PSMF1: variants seen among roughly 807,000 people sequenced by gnomAD.
PSMF1 encodes proteasome inhibitor PI31 subunit.
A neutral mutation model predicts 29.3 loss-of-function variants in PSMF1; 30 were observed. The ratio of observed to expected loss-of-function variants is 1.02; its 90% CI spans 0.77 to 1.39. The LOEUF is 1.39. Among genes scored for constraint, PSMF1 ranks in the 40% most tolerant of loss-of-function variants. PSMF1 has a pLI of 0.00. For missense variants in PSMF1, 344 were observed against 357.5 expected, an observed-to-expected ratio of 0.96 and a Z score of 0.31; for synonymous variants, 134 against 139.7, an observed-to-expected ratio of 0.96 and a Z score of 0.29.
rs544134103 is a variant in PSMF1, at chr20:1,129,231, C to T, written c.365+1723C>T. 3.3e-5 allele frequency among the ~76,000 whole-genome samples: 5 copies of T among 152,222 alleles called. No homozygotes were observed. In the South Asian group the frequency reaches 1.0e-3, roughly 32 times the overall value. On this transcript the variant is annotated intron_variant, in intron 3 of 6. Coordinates refer to ENST00000335877, the MANE Select transcript of PSMF1 (RefSeq NM_006814.5). ...GTTTTGCTGTTGGCCAGGCTGGTGTCGAACTCCTGACCTCAAGTGATGGGA... is the reference window on the plus strand; with the variant it reads ...GTTTTGCTGTTGGCCAGGCTGGTGTTGAACTCCTGACCTCAAGTGATGGGA...
At chr20:1,137,406 A>C (rs752979148) in intron 4 of PSMF1, among the ~76,000 whole-genome samples, 2 of 152,180 alleles carry the variant, frequency 1.3e-5, no homozygotes, top group Non-Finnish European at 2.9e-5. Flanking sequence ...GTTAATCTTA[A>C]CGCTAAAAGT....
Position 1,168,024 on chromosome 20 carries a change from A to G in PSMF1, c.*2944A>G, listed in dbSNP as rs1192806654. The G allele has an allele frequency of 6.6e-6, 1 of 152,234 alleles. No individual in the cohort carries two copies. Among genetic ancestry groups the G allele is most frequent in the Non-Finnish European group, 1.5e-5 (1 of 68,044 alleles). 9.4% of individuals were successfully genotyped at this position (152,234 alleles called of 1,614,324 possible). ...CTTGTTATTTTTCATGCTTATGGCCATCCTAGTTAGCGTGAAGTAGCATCT... is the reference window on the plus strand; with the variant it reads ...CTTGTTATTTTTCATGCTTATGGCCGTCCTAGTTAGCGTGAAGTAGCATCT... On this transcript the variant is annotated 3_prime_UTR_variant, in exon 7 of 7. Transcript: ENST00000335877.
upstream of PSMF1, among the ~76,000 whole-genome samples, chr20:1,115,220 C>G (rs1209361602): frequency 3.0e-4 from 34 of 112,182 alleles, no homozygotes; most frequent in Non-Finnish European, 5.1e-4. Context: ...ACGGAGCTGT[C>G]TGCCCTGTAA....
At position 1,125,550 on chromosome 20, in the gene PSMF1, A is replaced by G; in HGVS notation, c.182A>G (p.Asn61Ser). 2.5e-6 allele frequency: 4 copies of G among 1,613,982 alleles called. No homozygotes were observed. The highest frequency in any genetic ancestry group is 3.4e-6 in the Non-Finnish European group (4 of 1,179,948). The change falls in exon 2 of 7, where the codon AAT (asparagine) becomes AGT (serine). Residue 61 changes from asparagine to serine, a missense_variant. Transcript: ENST00000335877. ...SELLPAGWNN[N>S]KDLYVLRYEY... ...CTGCTGCCAGCTGGGTGGAACAACA[A>G]TAAAGACCTGTATGTCCTCCGGTAT...
At chr20:1,140,597 G>C (rs1568472826) in intron 4 of PSMF1, among the ~76,000 whole-genome samples, 1 of 152,118 alleles carries the variant, frequency 6.6e-6, no homozygotes, top group Non-Finnish European at 1.5e-5. Context: ...AGAAAAAATA[G>C]ACAAATCAAA....
At chr20:1,142,256 C>T (rs2086391318) in intron 4 of PSMF1, among the ~76,000 whole-genome samples, 1 of 150,918 alleles carries the variant, frequency 6.6e-6, no homozygotes, top group Admixed American at 6.6e-5. Context: ...ACTAAAATAA[C>T]TCAGCTATAA....
chr20:1,161,714 T>C (rs1196343339), intron 4 of PSMF1: 7 of 600,346 alleles, frequency 1.2e-5, no homozygotes, highest in Non-Finnish European at 1.9e-5. Flanking sequence ...TACAAGCAGA[T>C]GTGTAGCATT....
chr20:1,143,575 A>G (rs1166503364), intron 4 of PSMF1, among the ~76,000 whole-genome samples: 1 of 152,216 alleles, frequency 6.6e-6, no homozygotes, highest in Non-Finnish European at 1.5e-5. Context: ...CTTGGTGAAG[A>G]GTTCTTAGAT....
intron 3 of PSMF1, among the ~76,000 whole-genome samples, chr20:1,132,425 G>A (rs1461055503): frequency 6.6e-6 from 1 of 151,960 alleles, no homozygotes; most frequent in East Asian, 1.9e-4. Flanking sequence ...ACAGATGCGT[G>A]CCACCATGCC....
At chr20:1,156,361 G>C (rs2086594572) in intron 4 of PSMF1, among the ~76,000 whole-genome samples, 1 of 152,156 alleles carries the variant, frequency 6.6e-6, no homozygotes, top group Non-Finnish European at 1.5e-5. Flanking sequence ...GAAAGTAATG[G>C]CTGAAAACTT....
chr20:1,140,847 A>C (rs2122531178), intron 4 of PSMF1, among the ~76,000 whole-genome samples: 1 of 152,378 alleles, frequency 6.6e-6, no homozygotes, highest in Non-Finnish European at 1.5e-5. Flanking sequence ...GAGCACAAGA[A>C]AAGGTGTGCA....
chr20:1,129,806 C>T (rs967904551), intron 3 of PSMF1, among the ~76,000 whole-genome samples: 2 of 152,226 alleles, frequency 1.3e-5, no homozygotes, highest in African/African-American at 4.8e-5. Flanking sequence ...TATAATCCTG[C>T]ATGTCCACTT....
At chr20:1,158,345 A>G (rs1259454460) in intron 4 of PSMF1, among the ~76,000 whole-genome samples, 1 of 152,222 alleles carries the variant, frequency 6.6e-6, no homozygotes, top group African/African-American at 2.4e-5. Context: ...GCAATGCTAC[A>G]TTTTATCATT....
At chr20:1,158,593 A>G (rs1189515648) in intron 4 of PSMF1, among the ~76,000 whole-genome samples, 1 of 152,222 alleles carries the variant, frequency 6.6e-6, no homozygotes, top group African/African-American at 2.4e-5. Context: ...AAAGAGAAGC[A>G]CATAAGGAAG....
At chr20:1,119,337 C>T (rs775632887) in intron 1 of PSMF1, among the ~76,000 whole-genome samples, 6 of 152,164 alleles carry the variant, frequency 3.9e-5, no homozygotes, top group Non-Finnish European at 8.8e-5. Flanking sequence ...AGAGCCTCCA[C>T]CAAACATCTG....
At chr20:1,138,416 G>C (rs1359235506) in intron 4 of PSMF1, among the ~76,000 whole-genome samples, 1 of 151,882 alleles carries the variant, frequency 6.6e-6, no homozygotes, top group Admixed American at 6.6e-5. Context: ...CCCTGCATTT[G>C]GGAGGCTGAG....
chr20:1,162,968 G>A (rs1022223629), intron 4 of PSMF1, among the ~76,000 whole-genome samples, 162 bp from the exon 5 acceptor site: 3 of 152,046 alleles, frequency 2.0e-5, no homozygotes, highest in Non-Finnish European at 2.9e-5. Flanking sequence ...TGTCATTGTA[G>A]GATTATCATT....
intron 4 of PSMF1, among the ~76,000 whole-genome samples, chr20:1,137,924 G>A (rs1419612235): frequency 6.6e-6 from 1 of 152,222 alleles, no homozygotes; most frequent in African/African-American, 2.4e-5. Flanking sequence ...CGCCAAAAGA[G>A]TAAGGTGTTG....
At chr20:1,136,349 T>G (rs983429179) in intron 4 of PSMF1, among the ~76,000 whole-genome samples, 6 of 152,226 alleles carry the variant, frequency 3.9e-5, no homozygotes, top group Admixed American at 3.9e-4. Flanking sequence ...CTGGCTGTGA[T>G]GTAAACAGAT....
Sources: gnomAD v4.1 joint callset for allele counts (sites outside exome capture counted in the v4.1 genomes callset) on GRCh38, gnomAD v4.1.1 for gene constraint, MANE v1.5 for transcripts, NCBI Gene and HGNC (gene_info 2026-07-23, HGNC 2026-07-21) for gene names.